The following FGF12 variants were observed in gnomAD, a reference collection of about 807,000 sequenced individuals.
The protein encoded by FGF12 is fibroblast growth factor 12.
In FGF12, 14 loss-of-function variants were observed where a neutral mutation model predicts 23.6. The observed-to-expected ratio is 0.59, with a 90% CI of 0.39 to 0.93. FGF12 has a LOEUF of 0.93. Among genes scored for constraint, FGF12 ranks in the 40% least tolerant of loss-of-function variants. The pLI, the probability that FGF12 is intolerant of heterozygous loss-of-function variation, is 0.00. For synonymous variants in FGF12, 62 were observed against 77.3 expected (o/e 0.80, Z 1.04); for missense variants, 175 against 217.8 (o/e 0.80, Z 1.24).
chr3:192,248,045 T>C (rs939315247), intron 4 of FGF12, among the ~76,000 whole-genome samples: 2 of 152,188 alleles, frequency 1.3e-5, no homozygotes, highest in Non-Finnish European at 1.5e-5. Flanking sequence ...GGGGAATAAA[T>C]GGTTCAGCAA....
chr3:192,302,046 A>G (rs1577334214), intron 4 of FGF12, among the ~76,000 whole-genome samples: 1 of 152,202 alleles, frequency 6.6e-6, no homozygotes, highest in South Asian at 2.1e-4. Flanking sequence ...TCCAAAATGT[A>G]CAACTGAGAC....
chr3:192,448,473 G>A (rs1301034663), intron 2 of FGF12, among the ~76,000 whole-genome samples: 2 of 152,136 alleles, frequency 1.3e-5, no homozygotes, highest in South Asian at 2.1e-4. Flanking sequence ...AAATTGGGAG[G>A]GAGGGGTAAC....
intron 4 of FGF12, among the ~76,000 whole-genome samples, chr3:192,179,603 C>T (rs1055381970): frequency 2.0e-5 from 3 of 150,378 alleles, no homozygotes; most frequent in Non-Finnish European, 2.9e-5. Flanking sequence ...TGGAGTACAG[C>T]GGCACAATCT....
At chr3:192,257,521 A>G (rs1712476853) in intron 4 of FGF12, among the ~76,000 whole-genome samples, 1 of 152,104 alleles carries the variant, frequency 6.6e-6, no homozygotes, top group Non-Finnish European at 1.5e-5. Context: ...TGACTTCTTA[A>G]AGAATAGATT....
At chr3:192,446,151 A>G (rs1486349648) in intron 2 of FGF12, among the ~76,000 whole-genome samples, 1 of 152,236 alleles carries the variant, frequency 6.6e-6, no homozygotes, top group African/African-American at 2.4e-5. Context: ...ATCTACAGAA[A>G]AGTGAGACTA....
At chr3:192,471,000 A>G (rs1408127484) in intron 2 of FGF12, among the ~76,000 whole-genome samples, 1 of 151,876 alleles carries the variant, frequency 6.6e-6, no homozygotes, top group African/African-American at 2.4e-5. Context: ...TCCACCCTTT[A>G]TTATCCCCAG....
intron 2 of FGF12, among the ~76,000 whole-genome samples, chr3:192,664,417 C>T (rs1716778579): frequency 6.6e-6 from 1 of 151,974 alleles, no homozygotes; most frequent in East Asian, 1.9e-4. Context: ...AAAACTACCA[C>T]CAGCATTACT....
chr3:192,294,527 T>C (rs980745367), intron 4 of FGF12, among the ~76,000 whole-genome samples: 1 of 152,166 alleles, frequency 6.6e-6, no homozygotes, highest in East Asian at 1.9e-4. Flanking sequence ...CCTGTCTCCT[T>C]AGGCAAAGAA....
At chr3:192,158,670 C>CCCTTCCTTCTTTCCTTCCT (rs71177347) in intron 5 of FGF12, among the ~76,000 whole-genome samples, 3 of 74,648 alleles carry the variant, frequency 4.0e-5, no homozygotes, top group Non-Finnish European at 5.8e-5. Flanking sequence ...CCTTCCCTCC[C>CCCTTCCTTCTTTCCTTCCT]TCCCTCTCTC....
At position 192,408,092 on chromosome 3, in the gene FGF12, G is replaced by T; in HGVS notation, c.14-47554C>A. ...GCACTTTGCTGAACACCCCGAGGAC[G>T]TGCCTCTCGCACAGGGAGCGCCCGT... On this transcript the variant is annotated intron_variant, in intron 2 of 5. Transcript: ENST00000445105. The surrounding 1 kb of genome is among the most constrained non-coding windows in gnomAD (Gnocchi z 7.3). The T allele has an allele frequency of 6.2e-7, 1 of 1,613,196 alleles. No homozygotes were observed. Among genetic ancestry groups the T allele is most frequent in the Non-Finnish European group, 8.5e-7 (1 of 1,180,016 alleles).
intron 4 of FGF12, among the ~76,000 whole-genome samples, chr3:192,218,146 T>G (rs1375743555): frequency 6.6e-6 from 1 of 152,222 alleles, no homozygotes; most frequent in East Asian, 1.9e-4. Context: ...CTTGTCACTT[T>G]TCTACGTCAG....
chr3:192,471,942 G>A (rs1436340744), intron 2 of FGF12, among the ~76,000 whole-genome samples: 2 of 152,158 alleles, frequency 1.3e-5, no homozygotes, highest in African/African-American at 2.4e-5. Context: ...GGAAGAGTAT[G>A]TTATCAAGTA....
chr3:192,461,880 C>T (rs1452698598), intron 2 of FGF12, among the ~76,000 whole-genome samples: 2 of 151,920 alleles, frequency 1.3e-5, no homozygotes, highest in Non-Finnish European at 2.9e-5. Flanking sequence ...ATTCCAGCTA[C>T]TCGGGAGGCT....
intron 2 of FGF12, among the ~76,000 whole-genome samples, chr3:192,612,511 A>C (rs1248711728): frequency 6.6e-6 from 1 of 151,950 alleles, no homozygotes. Flanking sequence ...GGCTACTAAA[A>C]GGGAGGCTGA....
At chr3:192,384,094 C>T (rs1719938334) in intron 2 of FGF12, among the ~76,000 whole-genome samples, 1 of 152,028 alleles carries the variant, frequency 6.6e-6, no homozygotes. Context: ...ATCAAGAAGT[C>T]ACATAAATGA....
At chr3:192,200,329 A>G (rs1030345654) in intron 4 of FGF12, among the ~76,000 whole-genome samples, 3 of 148,428 alleles carry the variant, frequency 2.0e-5, no homozygotes, top group Non-Finnish European at 4.5e-5. Flanking sequence ...AGTCCATCTT[A>G]AAAAAAAAAG....
At chr3:192,679,103 A>G (rs993144727) in intron 2 of FGF12, among the ~76,000 whole-genome samples, 1 of 152,188 alleles carries the variant, frequency 6.6e-6, no homozygotes, top group Non-Finnish European at 1.5e-5. Context: ...GCGAAAAAGA[A>G]ATGAGTAGAT....
chr3:192,243,656 A>G (rs1719736932), intron 4 of FGF12, among the ~76,000 whole-genome samples: 1 of 151,984 alleles, frequency 6.6e-6, no homozygotes, highest in African/African-American at 2.4e-5. Context: ...ATAGGAAGGT[A>G]TTCCTCAGTA....
chr3:192,612,612 T>C (rs978147143), intron 2 of FGF12, among the ~76,000 whole-genome samples: 2 of 151,684 alleles, frequency 1.3e-5, no homozygotes, highest in African/African-American at 2.4e-5. Context: ...AAGAAAAAAA[T>C]GTGAGGGTGG....
Sources: allele counts gnomAD v4.1 joint callset (sites outside exome capture counted in the v4.1 genomes callset), GRCh38; gene constraint gnomAD v4.1.1; non-coding constraint Gnocchi (gnomAD v3.1); transcripts MANE v1.5; gene names NCBI Gene and HGNC (gene_info 2026-07-23, HGNC 2026-07-21).